MATR3: variants seen among roughly 807,000 people sequenced by gnomAD.
MATR3 encodes matrin-3.
A neutral mutation model predicts 85.5 loss-of-function variants in MATR3; 4 were observed. The ratio of observed to expected loss-of-function variants is 0.05; its 90% confidence interval spans 0.02 to 0.11. The LOEUF (loss-of-function observed/expected upper bound fraction) is 0.11. MATR3 is among the 10% of genes least tolerant of loss of function. The pLI, the probability that MATR3 is intolerant of heterozygous loss-of-function variation, is 1.00. For missense variants in MATR3, 685 were observed against 1,016.1 expected (o/e 0.67, Z 4.43); for synonymous variants, 336 against 343.1 (o/e 0.98, Z 0.23).
rs1282577813 is a variant in MATR3 at position 139,294,101 on chromosome 5, G to A, written c.-178+296G>A. Reference sequence around the variant, plus strand: ...GCGGCGGGAGATTTTGGGTGAAGAGGTGCGCTGACCGGCCGAGCTTCCTGC... The same window carrying A: ...GCGGCGGGAGATTTTGGGTGAAGAGATGCGCTGACCGGCCGAGCTTCCTGC... On this transcript the variant is annotated intron_variant, in intron 1 of 14. Coordinates refer to ENST00000394805, the MANE Select transcript of MATR3 (RefSeq NM_018834.6). The A allele has an allele frequency of 7.3e-6, 9 of 1,241,106 alleles. No individual in the cohort carries two copies. The Middle Eastern group carries it at 1.2e-3, about 171-fold the overall frequency. The allele number at this position is 1,241,106 out of a possible 1,614,324, so 76.9% of individuals were successfully genotyped here.
intron 3 of MATR3, among the ~76,000 whole-genome samples, chr5:139,286,597 C>G (rs2151892960): frequency 1.3e-5 from 2 of 151,862 alleles, no homozygotes; most frequent in East Asian, 3.9e-4. Context: ...GTAATCCCAG[C>G]ACTTTGGGAG....
At chr5:139,292,604 G>A (rs1395830414), upstream of MATR3, among the ~76,000 whole-genome samples, 1 of 152,194 alleles carries the variant, frequency 6.6e-6, no homozygotes, top group Non-Finnish European at 1.5e-5. Flanking sequence ...CCAAAAGGCG[G>A]CGGTGGTCTT....
At position 139,314,846 on chromosome 5, in the gene MATR3, A is replaced by G; in HGVS notation, c.974+110A>G. On this transcript the variant is annotated intron_variant, in intron 3 of 14. Coordinates refer to ENST00000394805, the MANE Select transcript of MATR3 (RefSeq NM_018834.6). ...GTAATATCCACAATGTTAATATCAC[A>G]TAGTGGTACTGTATGGACAATACTA... 8.5e-6 allele frequency: 8 copies of G among 941,544 alleles called. 1 individual carries two copies. The South Asian group carries it at 1.1e-4, about 13-fold the overall frequency. The allele number at this position is 941,544 out of a possible 1,614,324, so 58.3% of individuals were successfully genotyped here.
intron 2 of MATR3, chr5:139,311,445 G>C (rs1388479659): frequency 6.6e-6 from 1 of 152,146 alleles, no homozygotes; most frequent in Non-Finnish European, 1.5e-5. Context: ...TAATAGATCA[G>C]TAGTACAGAT....
At chr5:139,296,350 T>C (rs914238577) in intron 1 of MATR3, among the ~76,000 whole-genome samples, 10 of 152,210 alleles carry the variant, frequency 6.6e-5, no homozygotes, top group Non-Finnish European at 1.3e-4. Flanking sequence ...GGAAAACTGC[T>C]AATGTCGTTT....
At chr5:139,274,660 G>A (rs148613667) in intron 1 of MATR3, among the ~76,000 whole-genome samples, 309 of 152,176 alleles carry the variant, frequency 2.0e-3, no homozygotes, top group African/African-American at 7.3e-3. Context: ...CTGTGAGGCC[G>A]GGCGCGTGGC....
chr5:139,284,933 A>G (rs1753655399), intron 3 of MATR3, among the ~76,000 whole-genome samples: 1 of 152,212 alleles, frequency 6.6e-6, no homozygotes, highest in Non-Finnish European at 1.5e-5. Flanking sequence ...ACTTTGGGAC[A>G]TGTGGCGCCA....
chr5:139,329,528 A>G lies in MATR3; in HGVS notation c.*133A>G, dbSNP rs763517746. The G allele has an allele frequency of 1.2e-5, 9 of 732,754 alleles. No homozygotes were observed. Among genetic ancestry groups the G allele is most frequent in the Admixed American group, 2.1e-5 (1 of 48,256 alleles). 45.4% of individuals were successfully genotyped at this position (732,754 alleles called of 1,614,324 possible). A position where few individuals can be genotyped will look rare whatever the true frequency, so the allele number is the denominator to read the frequency against. ...TTTTGTTTTAGTGGAGAAATAATAG[A>G]TGTCTGTTCATGTGTTAAGTGTTAT... is the stretch of plus-strand genomic sequence containing the variant. On this transcript the variant is annotated 3_prime_UTR_variant, in exon 15 of 15. Coordinates refer to ENST00000394805, the MANE Select transcript of MATR3 (RefSeq NM_018834.6).
At chr5:139,305,681 A>C (rs570586113) in intron 1 of MATR3, among the ~76,000 whole-genome samples, 1 of 152,172 alleles carries the variant, frequency 6.6e-6, no homozygotes, top group Non-Finnish European at 1.5e-5. Flanking sequence ...TTAAAGCTTA[A>C]GTAGTTTACA....
intron 3 of MATR3, chr5:139,314,966 A>G (rs1475068926): frequency 1.3e-5 from 6 of 459,616 alleles, no homozygotes; most frequent in South Asian, 6.4e-5. Context: ...ATACATATAT[A>G]TTGGTCATTA....
chr5:139,283,346 C>T (rs984636514), intron 3 of MATR3: 1 of 152,222 alleles, frequency 6.6e-6, no homozygotes, highest in Non-Finnish European at 1.5e-5. Context: ...TTGTCTAAAC[C>T]TGTTCAACTA....
At position 139,308,310 on chromosome 5, in the gene MATR3, C is replaced by T; in HGVS notation, c.895C>T (p.Pro299Ser). ...YPHLCSICDL[P>S]VHSNKEWSQH... ...CCATCTGTGCTCTATATGTGATTTG[C>T]CAGTTCATTCTAATAAGGTGAGTTA... Residue 299 changes from proline (P) to serine (S), a missense_variant, in exon 2 of 15, where the codon CCA (proline) becomes TCA (serine). This residue lies in a region of MATR3 where 223 missense variants were observed against 334.4 expected (regional missense o/e 0.67). Coordinates refer to ENST00000394805, the MANE Select transcript of MATR3 (RefSeq NM_018834.6). 1 of 1,614,032 alleles carries T rather than the reference C, an allele frequency of 6.2e-7. No homozygotes were observed. The highest frequency in any genetic ancestry group is 8.5e-7 in the Non-Finnish European group (1 of 1,179,964).
intron 1 of MATR3, 120 bp downstream of exon 1, chr5:139,293,925 C>T (rs979691116): frequency 8.3e-7 from 1 of 1,210,464 alleles, no homozygotes; most frequent in Non-Finnish European, 1.0e-6. Flanking sequence ...TTCTTGCTCG[C>T]TCCCGCTCTG....
At chr5:139,310,519 G>A (rs1754916049) in intron 2 of MATR3, 1 of 152,124 alleles carries the variant, frequency 6.6e-6, no homozygotes, top group Non-Finnish European at 1.5e-5. Flanking sequence ...AATGACCTTA[G>A]AGAAAATTTC....
At chr5:139,295,758 A>G (rs1581217430) in intron 1 of MATR3, among the ~76,000 whole-genome samples, 1 of 152,352 alleles carries the variant, frequency 6.6e-6, no homozygotes, top group African/African-American at 2.4e-5. Flanking sequence ...GTTAAAGCCC[A>G]GATAGGTCGT....
rs1310053311 is a variant in MATR3 at position 139,322,589 on chromosome 5, T to C, written c.1779-9T>C. 1.3e-6 allele frequency: 2 copies of C among 1,584,092 alleles called. No homozygotes were observed. The highest frequency in any genetic ancestry group is 2.7e-5 in the African/African-American group (2 of 74,764). Reference sequence around the variant, plus strand: ...ACAAATTAATTGTGGTGTGTCCTTTTGATTTCAGAAAAAGATCTTACTCTC... The same window carrying C: ...ACAAATTAATTGTGGTGTGTCCTTTCGATTTCAGAAAAAGATCTTACTCTC... On this transcript the variant is annotated splice_polypyrimidine_tract_variant and intron_variant, in intron 11 of 14. Transcript: ENST00000394805.
At chr5:139,274,922 TA>T (rs199619982) in intron 1 of MATR3, among the ~76,000 whole-genome samples, 2 of 150,380 alleles carry the variant, frequency 1.3e-5, no homozygotes, top group South Asian at 2.1e-4. Flanking sequence ...AGACTCCGTC[TA>T]AAAAAAAATG....
intron 1 of MATR3, chr5:139,274,358 C>T: frequency 3.0e-6 from 1 of 330,574 alleles, no homozygotes; most frequent in South Asian, 2.5e-5. Flanking sequence ...TCCCTCTTCT[C>T]CCTAGGGAGT....
intron 8 of MATR3, 75 bp from the exon 9 acceptor site, chr5:139,319,258 TA>T (rs1755416385): frequency 6.9e-7 from 1 of 1,457,864 alleles, no homozygotes; most frequent in African/African-American, 1.4e-5. Flanking sequence ...AAACAATTGG[TA>T]AAGACTAGGA....
Sources: gnomAD v4.1 joint callset for allele counts (sites outside exome capture counted in the v4.1 genomes callset) on GRCh38, gnomAD v4.1.1 for gene constraint, gnomAD v4.1.1 regional missense constraint, MANE v1.5 for transcripts, NCBI Gene and HGNC (gene_info 2026-07-23, HGNC 2026-07-21) for gene names.